The following TOX variants were observed in gnomAD, a reference collection of about 807,000 sequenced individuals.
TOX encodes the protein thymocyte selection associated high mobility group box, also known as thymocyte selection-associated high mobility group box protein TOX.
In TOX, 11 loss-of-function variants were observed where a neutral mutation model predicts 53.7. The ratio of observed to expected loss-of-function variants is 0.20; its 90% CI spans 0.13 to 0.34. TOX has a LOEUF of 0.34. TOX is among the 10% of genes least tolerant of loss of function. The pLI is 1.00. For synonymous variants in TOX, 225 were observed against 245.3 expected (o/e 0.92, Z 0.77); for missense variants, 570 against 664.6 (o/e 0.86, Z 1.56).
intron 2 of TOX, among the ~76,000 whole-genome samples, chr8:58,947,678 A>T (rs911880294): frequency 6.6e-6 from 1 of 152,236 alleles, no homozygotes; most frequent in Non-Finnish European, 1.5e-5. Context: ...CTCTCAATAA[A>T]GAACAGTATA....
At chr8:58,841,810 T>C (rs1810648533) in intron 4 of TOX, among the ~76,000 whole-genome samples, 1 of 152,158 alleles carries the variant, frequency 6.6e-6, no homozygotes, top group South Asian at 2.1e-4. Context: ...TCAATAAAGC[T>C]GCAAAAAGAG....
At chr8:59,010,603 A>C (rs1206726768) in intron 1 of TOX, among the ~76,000 whole-genome samples, 1 of 152,168 alleles carries the variant, frequency 6.6e-6, no homozygotes, top group African/African-American at 2.4e-5. Context: ...GAGATTATAA[A>C]AGCCATTTAA....
chr8:59,012,926 A>T (rs1291120224), intron 1 of TOX, among the ~76,000 whole-genome samples: 1 of 152,008 alleles, frequency 6.6e-6, no homozygotes, highest in Non-Finnish European at 1.5e-5. Context: ...TAGGTTAAAA[A>T]AAAAAAAAAA....
intron 3 of TOX, among the ~76,000 whole-genome samples, chr8:58,872,500 G>A (rs1218948377): frequency 1.3e-5 from 2 of 152,000 alleles, no homozygotes; most frequent in South Asian, 4.2e-4. Context: ...AGTGAAACCT[G>A]ACAAATACCA....
At chr8:58,834,465 C>G (rs1810515911) in intron 5 of TOX, among the ~76,000 whole-genome samples, 1 of 152,162 alleles carries the variant, frequency 6.6e-6, no homozygotes, top group South Asian at 2.1e-4. Context: ...TGTTCCCCAA[C>G]TTGAATATTA....
Position 58,977,228 on chromosome 8 carries a change from A to G in TOX, c.103-17220T>C, listed in dbSNP as rs1378887260. Among the ~76,000 whole-genome samples, 3 of 152,184 alleles carry G rather than the reference A, an allele frequency of 2.0e-5. No homozygotes were observed. The East Asian group carries it at 5.8e-4, about 29-fold the overall frequency. ...GTCAGCACTTGCTGTTTCAACTTACACTTTTATGTTATGAAAATAACTATG... is the reference window on the plus strand; with the variant it reads ...GTCAGCACTTGCTGTTTCAACTTACGCTTTTATGTTATGAAAATAACTATG... On this transcript the variant is annotated intron_variant, in intron 1 of 8. Coordinates refer to ENST00000361421, the MANE Select transcript of TOX (RefSeq NM_014729.3).
intron 2 of TOX, among the ~76,000 whole-genome samples, chr8:58,959,557 T>C (rs1812766738): frequency 2.0e-5 from 3 of 152,180 alleles, no homozygotes. Context: ...TTGTTGAAAA[T>C]GGCCCCAACC....
chr8:58,963,423 A>C (rs1226429238), intron 1 of TOX, among the ~76,000 whole-genome samples: 1 of 152,180 alleles, frequency 6.6e-6, no homozygotes, highest in Non-Finnish European at 1.5e-5. Flanking sequence ...ACCCTAATAC[A>C]GGTGGCTTTT....
chr8:58,825,037 T>C (rs536852581), intron 6 of TOX, among the ~76,000 whole-genome samples: 1 of 152,366 alleles, frequency 6.6e-6, no homozygotes, highest in South Asian at 2.1e-4. Context: ...TGTTTAAATA[T>C]GACTGGTTAT....
intron 3 of TOX, among the ~76,000 whole-genome samples, chr8:58,911,266 TATTTA>T (rs1199704863): frequency 1.3e-5 from 2 of 152,228 alleles, no homozygotes; most frequent in Admixed American, 6.5e-5. Flanking sequence ...CGAGTGTAGT[TATTTA>T]ATTTAATACC....
chr8:58,806,686 G>T lies in TOX; in HGVS notation c.*1061C>A, dbSNP rs143832068. On this transcript the variant is annotated 3_prime_UTR_variant, in exon 9 of 9. Transcript: ENST00000361421. ...CAGGTTTGGCTTTATTCATGTTACT[G>T]TAAAAACTAAATAATAAAGTATTCA... 6.6e-6 allele frequency: 1 copy of T among 152,656 alleles called. No individual in the cohort carries two copies. Among genetic ancestry groups the T allele is most frequent in the Admixed American group, 6.5e-5 (1 of 15,288 alleles). 9.5% of individuals were successfully genotyped at this position (152,656 alleles called of 1,614,324 possible).
At chr8:58,939,641 G>A (rs1159123229) in intron 2 of TOX, 97 bp from the exon 3 acceptor site, 4 of 1,477,006 alleles carry the variant, frequency 2.7e-6, no homozygotes, top group Admixed American at 2.3e-5. Context: ...ATTACAAGCA[G>A]CATATGGATT....
At chr8:58,870,946 T>C (rs1265432816) in intron 3 of TOX, among the ~76,000 whole-genome samples, 6 of 152,146 alleles carry the variant, frequency 3.9e-5, no homozygotes, top group African/African-American at 1.4e-4. Context: ...GAATTTACTC[T>C]ACTGATTTGA....
At chr8:59,084,582 C>A (rs1190910224) in intron 1 of TOX, among the ~76,000 whole-genome samples, 1 of 152,160 alleles carries the variant, frequency 6.6e-6, no homozygotes, top group Non-Finnish European at 1.5e-5. Flanking sequence ...GTTATTTTTA[C>A]TTACTAGAAA....
chr8:58,943,463 A>T (rs1320200949), intron 2 of TOX, among the ~76,000 whole-genome samples: 1 of 152,000 alleles, frequency 6.6e-6, no homozygotes, highest in African/African-American at 2.4e-5. Context: ...TCCTTTTCTG[A>T]CTTGGGCTTA....
At chr8:58,900,244 T>G (rs1175211222) in intron 3 of TOX, among the ~76,000 whole-genome samples, 1 of 152,214 alleles carries the variant, frequency 6.6e-6, no homozygotes, top group Non-Finnish European at 1.5e-5. Context: ...GCATATGTTA[T>G]TTTGAAAATG....
At chr8:58,881,420 A>T (rs1054071709) in intron 3 of TOX, among the ~76,000 whole-genome samples, 4 of 151,980 alleles carry the variant, frequency 2.6e-5, no homozygotes, top group African/African-American at 9.7e-5. Context: ...GGCACATGTG[A>T]ACCATTAAGA....
intron 3 of TOX, among the ~76,000 whole-genome samples, chr8:58,897,216 A>AGT (rs1178547023): frequency 6.6e-6 from 1 of 152,124 alleles, no homozygotes; most frequent in African/African-American, 2.4e-5. Flanking sequence ...GATGATCATC[A>AGT]TTTTCTCCAA....
chr8:58,889,350 G>GA (rs1470877777), intron 3 of TOX, among the ~76,000 whole-genome samples: 1 of 151,804 alleles, frequency 6.6e-6, no homozygotes, highest in Non-Finnish European at 1.5e-5. Context: ...GCTCTCATGA[G>GA]AAAGAGCTCC....
Sources: gnomAD v4.1 joint callset for allele counts (sites outside exome capture counted in the v4.1 genomes callset) on GRCh38, gnomAD v4.1.1 for gene constraint, MANE v1.5 for transcripts, NCBI Gene and HGNC (gene_info 2026-07-23, HGNC 2026-07-21) for gene names.